Variants in CDK5RAP3 observed in about 807,000 individuals in gnomAD.
CDK5RAP3 encodes the protein CDK5 regulatory subunit-associated protein 3.
CDK5RAP3 carries 58 observed loss-of-function variants against 73.3 expected under a neutral mutation model. The ratio of observed to expected loss-of-function variants is 0.79; its 90% confidence interval spans 0.64 to 0.98. The LOEUF (loss-of-function observed/expected upper bound fraction) is 0.98. Among genes scored for constraint, CDK5RAP3 ranks in the 50% least tolerant of loss-of-function variants. The pLI, the probability that CDK5RAP3 is intolerant of heterozygous loss-of-function variation, is 0.00. For missense variants in CDK5RAP3, 525 were observed against 615.8 expected, an observed-to-expected ratio of 0.85 and a Z score of 1.56; for synonymous variants, 224 against 247.5, an observed-to-expected ratio of 0.91 and a Z score of 0.89.
In CDK5RAP3 at chr17:47,973,997, A is replaced by G. The variant is rs751876093; in HGVS notation, c.251A>G (p.Asn84Ser). The stretch of plus-strand genomic sequence containing the variant: ...AAAGGCACAGAGGCCTCCACGAAGA[A>G]TATTTTTGGCCGATACTCTTCACAG... Reference protein sequence around the residue: ...LLKGTEASTKNIFGRYSSQRM... With the variant: ...LLKGTEASTKSIFGRYSSQRM... The change falls in exon 4 of 14, where the codon AAT becomes AGT. Residue 84 changes from asparagine to serine, a missense_variant. Asn to Ser is a conservative substitution (Grantham distance 46). Around this residue, in one of 2 missense-constraint regions of CDK5RAP3, gnomAD observed 409 missense variants for 429.8 expected, o/e 0.95. Coordinates refer to ENST00000338399, the MANE Select transcript of CDK5RAP3 (RefSeq NM_176096.3). 55 of 1,614,110 alleles carry G rather than the reference A, an allele frequency of 3.4e-5. No individual in the cohort carries two copies. The highest frequency in any genetic ancestry group is 4.5e-5 in the Non-Finnish European group (53 of 1,179,964).
intron 5 of CDK5RAP3, chr17:47,974,650 C>T (rs1424808970): frequency 1.4e-6 from 2 of 1,402,136 alleles, no homozygotes; most frequent in South Asian, 1.5e-5. Context: ...GGAGGAGGTC[C>T]AGGCCGGTAG....
At chr17:47,975,116 CAT>C (rs1567724065) in intron 5 of CDK5RAP3, 41 bp from the exon 6 acceptor site, 3 of 1,613,780 alleles carry the variant, frequency 1.9e-6, no homozygotes, top group African/African-American at 1.3e-5. Flanking sequence ...ATGCCTGCCT[CAT>C]GTGGGGGTGT....
At position 47,981,680 on chromosome 17, in the gene CDK5RAP3, C is replaced by T. The variant is rs1010963603; in HGVS notation, c.*178C>T. ...CACTCTCCATGTTCTCTACAAGAAGCTGTGGTGATTGGCCCTGTGGTCTAT... is the reference window on the plus strand; with the variant it reads ...CACTCTCCATGTTCTCTACAAGAAGTTGTGGTGATTGGCCCTGTGGTCTAT... On this transcript the variant is annotated 3_prime_UTR_variant, in exon 14 of 14. Coordinates refer to ENST00000338399, the MANE Select transcript of CDK5RAP3 (RefSeq NM_176096.3). 1.3e-6 allele frequency: 2 copies of T among 1,537,062 alleles called. No homozygotes were observed. Among genetic ancestry groups the T allele is most frequent in the African/African-American group, 2.7e-5 (2 of 73,100 alleles).
chr17:47,975,194 T>C lies in CDK5RAP3; in HGVS notation c.370T>C (p.Tyr124His). The C allele has an allele frequency of 6.2e-7, 1 of 1,614,132 alleles. No individual in the cohort carries two copies. Among genetic ancestry groups the C allele is most frequent in the Admixed American group, 1.7e-5 (1 of 60,028 alleles). The change falls in exon 6 of 14, where the codon TAT becomes CAT. Residue 124 changes from tyrosine (Y) to histidine (H), a missense_variant. This residue lies in a region of CDK5RAP3 where 409 missense variants were observed against 429.8 expected (regional missense o/e 0.95). Coordinates refer to ENST00000338399, the MANE Select transcript of CDK5RAP3 (RefSeq NM_176096.3). The part of the protein sequence containing the change: ...LSSLLVRNVN[Y>H]EIPSLKKQIA... ...TAGCCTCCTGGTTCGGAATGTCAAC[T>C]ATGAGATCCCCTCACTGAAGAAGCA...
In CDK5RAP3 at chr17:47,975,630, G is replaced by A. The variant is rs370149330; in HGVS notation, c.630G>A (p.Ala210=). The change falls in exon 7 of 14, where the codon GCG becomes GCA. Residue 210 remains alanine (A), a synonymous_variant. Transcript: ENST00000338399. ...SLGEAIDVYQ[A]SVGFVCESPT... ...GGGAAGCCATTGACGTGTACCAGGCGTCTGTGGGGTTTGTGTGTGAGAGGT... is the reference window on the plus strand; with the variant it reads ...GGGAAGCCATTGACGTGTACCAGGCATCTGTGGGGTTTGTGTGTGAGAGGT... 492 of 1,603,770 alleles carry A rather than the reference G, an allele frequency of 3.1e-4. No homozygotes were observed. The highest frequency in any genetic ancestry group is 3.9e-4 in the Non-Finnish European group (461 of 1,178,862).
Position 47,975,601 on chromosome 17 carries a change from C to G in CDK5RAP3, c.601C>G (p.Leu201Val), listed in dbSNP as rs544321871. ...GATTGGGGCAGCGGCTCAGCAGTCC[C>G]TGGGGGAAGCCATTGACGTGTACCA... ...AEIGAAAQQS[L>V]GEAIDVYQAS... Residue 201 changes from leucine to valine, a missense_variant, in exon 7 of 14, where the codon CTG becomes GTG. Physicochemically the swap from Leu to Val is conservative, Grantham distance 32. Transcript: ENST00000338399. 28 of 1,608,528 alleles carry G rather than the reference C, an allele frequency of 1.7e-5. No individual in the cohort carries two copies. In the Admixed American group the frequency reaches 3.7e-4, roughly 21 times the overall value.
chr17:47,976,639 C>T, intron 8 of CDK5RAP3, 73 bp from the exon 9 acceptor site: 2 of 1,051,574 alleles, frequency 1.9e-6, no homozygotes, highest in South Asian at 1.3e-5. Flanking sequence ...ACTGGGGTTA[C>T]AGACATGAGC....
Position 47,978,889 on chromosome 17 carries a change from G to A in CDK5RAP3, c.1049G>A (p.Arg350Gln), listed in dbSNP as rs778005374. 22 of 1,613,784 alleles carry A rather than the reference G, an allele frequency of 1.4e-5. No homozygotes were observed. Among genetic ancestry groups the A allele is most frequent in the Middle Eastern group, 3.3e-4 (2 of 6,082 alleles). The stretch of plus-strand genomic sequence containing the variant: ...ACACTGCTTGAATACACTGAGACCC[G>A]GAATCAGTTCCTTGATGAGCTCATG... ...ALTLLEYTETRNQFLDELMEL... is the reference protein window; with the variant it reads ...ALTLLEYTETQNQFLDELMEL... The change falls in exon 11 of 14, where the codon CGG becomes CAG. Residue 350 changes from arginine (R) to glutamine (Q), a missense_variant. Physicochemically the swap from Arg to Gln is conservative, Grantham distance 43. Transcript: ENST00000338399.
At chr17:47,971,440 CG>C (rs773829476) in intron 2 of CDK5RAP3, 33 bp downstream of exon 2, 202 of 1,569,334 alleles carry the variant, frequency 1.3e-4, no homozygotes, top group Non-Finnish European at 1.7e-4. Context: ...AGCTGGCTGT[CG>C]GGGGGAGGCC....
At chr17:47,974,499 C>CA in intron 5 of CDK5RAP3, 51 bp downstream of exon 5, 2 of 1,613,752 alleles carry the variant, frequency 1.2e-6, no homozygotes, top group Admixed American at 3.3e-5. Context: ...AGCCCACTCT[C>CA]AGAGTTCTGA....
chr17:47,981,286 G>C lies in CDK5RAP3; in HGVS notation c.1407G>C (p.Glu469Asp), dbSNP rs1298775649. The C allele has an allele frequency of 6.2e-7, 1 of 1,614,140 alleles. No individual in the cohort carries two copies. Among genetic ancestry groups the C allele is most frequent in the African/African-American group, 1.3e-5 (1 of 74,952 alleles). ...QEALEEQAAL[E>D]PKLDLLLEKT... Reference sequence around the variant, plus strand: ...CACTTGAGGAGCAGGCGGCTCTGGAGCCTAAGCTGGACCTGCTACTGGAGA... The same window carrying C: ...CACTTGAGGAGCAGGCGGCTCTGGACCCTAAGCTGGACCTGCTACTGGAGA... The change falls in exon 13 of 14, where the codon GAG becomes GAC. Residue 469 changes from glutamate to aspartate, a missense_variant. By Grantham distance (45) the Glu-to-Asp change is conservative. Transcript: ENST00000338399.
intron 9 of CDK5RAP3, among the ~76,000 whole-genome samples, chr17:47,977,061 C>T (rs980266188): frequency 6.6e-6 from 1 of 152,064 alleles, no homozygotes; most frequent in Non-Finnish European, 1.5e-5. Flanking sequence ...GCAACTTCCG[C>T]CTCCCAGGTT....
intron 3 of CDK5RAP3, 24 bp from the exon 4 acceptor site, chr17:47,973,907 G>A (rs17617076): frequency 9.5e-6 from 15 of 1,584,152 alleles, no homozygotes; most frequent in Admixed American, 3.3e-5. Flanking sequence ...TTTAGTTCTC[G>A]AAATCCCGTC....
chr17:47,973,679 C>T, intron 3 of CDK5RAP3, 29 bp downstream of exon 3: 3 of 1,611,420 alleles, frequency 1.9e-6, no homozygotes, highest in Non-Finnish European at 2.5e-6. Flanking sequence ...TCACTGGAGT[C>T]CCCTCTTTGC....
intron 4 of CDK5RAP3, 35 bp downstream of exon 4, chr17:47,974,066 G>A: frequency 1.4e-6 from 2 of 1,442,298 alleles, no homozygotes; most frequent in Non-Finnish European, 2.0e-6. Flanking sequence ...GTATGTGGTT[G>A]GGGACATCCA....
At chr17:47,975,121 GGGGGTGTCCT>G (rs764255205) in intron 5 of CDK5RAP3, 28 bp from the exon 6 acceptor site, 1 of 1,613,798 alleles carries the variant, frequency 6.2e-7, no homozygotes, top group Non-Finnish European at 8.5e-7. Flanking sequence ...TGCCTCATGT[GGGGGTGTCCT>G]GGGCTGAATT....
rs764441122 is a variant in CDK5RAP3, at chr17:47,975,924, A to G, written c.709A>G (p.Thr237Ala). Reference protein sequence around the residue: ...LRFVQKRGNSTVYEWRTGTEP... With the variant: ...LRFVQKRGNSAVYEWRTGTEP... ...GTTCGTGCAGAAGCGGGGAAACTCA[A>G]CGGTGTACGAGTGGAGGACAGGGAC... Residue 237 changes from threonine (T) to alanine (A), a missense_variant, in exon 8 of 14, where the codon ACG becomes GCG. Physicochemically the swap from Thr to Ala is moderately conservative, Grantham distance 58. Transcript: ENST00000338399. 5.6e-6 allele frequency: 9 copies of G among 1,614,084 alleles called. No individual in the cohort carries two copies. Among genetic ancestry groups the G allele is most frequent in the African/African-American group, 2.7e-5 (2 of 74,930 alleles).
intron 7 of CDK5RAP3, 69 bp from the exon 8 acceptor site, chr17:47,975,800 C>G (rs1282869279): frequency 1.2e-5 from 20 of 1,605,912 alleles, no homozygotes; most frequent in Non-Finnish European, 1.7e-5. Flanking sequence ...GACCATGTGG[C>G]CCAGGCCAAA....
intron 7 of CDK5RAP3, 90 bp from the exon 8 acceptor site, chr17:47,975,779 C>T: frequency 6.3e-7 from 1 of 1,596,476 alleles, no homozygotes; most frequent in African/African-American, 1.3e-5. Context: ...CTGTGGGGGC[C>T]TTGCCCATTT....
Sources: allele counts gnomAD v4.1 joint callset (sites outside exome capture counted in the v4.1 genomes callset), GRCh38; gene constraint gnomAD v4.1.1; regional missense constraint gnomAD v4.1.1; transcripts MANE v1.5; gene names NCBI Gene and HGNC (gene_info 2026-07-23, HGNC 2026-07-21).